EDA: variants seen among roughly 807,000 people sequenced by gnomAD.
EDA encodes the protein ectodysplasin A, also known as ectodysplasin-A.
EDA carries 2 observed loss-of-function variants against 23.6 expected under a neutral mutation model. That is an observed-to-expected ratio of 0.08 (90% CI 0.03 to 0.27). EDA has a LOEUF of 0.27. Among genes scored for constraint, EDA ranks in the 10% least tolerant of loss-of-function variants. The probability of loss-of-function intolerance (pLI) is 1.00; values close to 1 mark genes in which losing one functional copy is unlikely to be tolerated. For missense variants in EDA, 229 were observed against 324.2 expected, an observed-to-expected ratio of 0.71 and a Z score of 2.26; for synonymous variants, 131 against 132.0, an observed-to-expected ratio of 0.99 and a Z score of 0.05.
intron 1 of EDA, among the ~76,000 whole-genome samples, chrX:69,764,880 C>A (rs967291547): frequency 6.3e-5 from 7 of 111,540 alleles, no homozygotes; most frequent in African/African-American, 2.3e-4. Flanking sequence ...TATTTATAAT[C>A]TTCTCAATGG....
At chrX:70,021,298 G>GATA (rs930332249) in intron 2 of EDA, among the ~76,000 whole-genome samples, 1 of 112,010 alleles carries the variant, frequency 8.9e-6, no homozygotes, top group Admixed American at 9.5e-5. Context: ...TTTGAAGTCT[G>GATA]ATATAACAGT....
At chrX:69,982,109 C>A (rs1387634002) in intron 2 of EDA, among the ~76,000 whole-genome samples, 2 of 111,203 alleles carry the variant, frequency 1.8e-5, no homozygotes, top group African/African-American at 6.5e-5. Context: ...AAATTGTATT[C>A]TTTACACTAA....
chrX:69,617,499 C>T (rs1318875480), intron 1 of EDA, among the ~76,000 whole-genome samples: 1 of 110,873 alleles, frequency 9.0e-6, no homozygotes, highest in Admixed American at 9.6e-5. Flanking sequence ...CAGGACTCGT[C>T]CCCCAAGAGC....
chrX:69,616,365 G>A lies in EDA; in HGVS notation c.57G>A (p.Glu19=), dbSNP rs758521262. 3.3e-6 allele frequency: 4 copies of A among 1,207,893 alleles called. No individual in the cohort carries two copies. In the East Asian group the frequency reaches 1.2e-4, roughly 36 times the overall value. ...TCCTGCCTGCAGCAGCGCCGCGGGAGCGAGGGAGCCAGGGCTGCGGGTGTG... is the reference window on the plus strand; with the variant it reads ...TCCTGCCTGCAGCAGCGCCGCGGGAACGAGGGAGCCAGGGCTGCGGGTGTG... The part of the protein sequence containing the change: ...RELLPAAAPR[E]RGSQGCGCGG... Residue 19 remains glutamate, a synonymous_variant, in exon 1 of 8, where the codon GAG becomes GAA. Coordinates refer to ENST00000374552, the MANE Select transcript of EDA (RefSeq NM_001399.5).
intron 2 of EDA, among the ~76,000 whole-genome samples, chrX:69,970,624 A>G (rs1240669095): frequency 1.8e-5 from 2 of 111,632 alleles, no homozygotes; most frequent in Admixed American, 9.5e-5. Flanking sequence ...ATTGGGACCA[A>G]GCTTCCCTGT....
At chrX:69,682,483 C>T (rs919680107) in intron 1 of EDA, among the ~76,000 whole-genome samples, 5 of 112,238 alleles carry the variant, frequency 4.5e-5, no homozygotes, top group Admixed American at 3.8e-4. Context: ...ACTCCGTGGA[C>T]GTAGGACACT....
At chrX:69,702,914 T>G (rs2011576069) in intron 1 of EDA, among the ~76,000 whole-genome samples, 1 of 110,801 alleles carries the variant, frequency 9.0e-6, no homozygotes, top group Non-Finnish European at 1.9e-5. Flanking sequence ...AGACAAGGTG[T>G]TTAGGGCGGA....
chrX:69,800,288 CTTAG>C (rs767006852), intron 1 of EDA, among the ~76,000 whole-genome samples: 9 of 111,217 alleles, frequency 8.1e-5, no homozygotes, highest in African/African-American at 2.3e-4. Flanking sequence ...AACATACATA[CTTAG>C]TTAGGAGAAA....
At chrX:69,969,582 A>C (rs1365153730) in intron 2 of EDA, among the ~76,000 whole-genome samples, 1 of 112,276 alleles carries the variant, frequency 8.9e-6, no homozygotes, top group Non-Finnish European at 1.9e-5. Flanking sequence ...ATTTTTATAC[A>C]TCATCTCCAA....
At chrX:70,034,755 C>T (rs958654524) in intron 7 of EDA, among the ~76,000 whole-genome samples, 1 of 111,533 alleles carries the variant, frequency 9.0e-6, no homozygotes, top group Non-Finnish European at 1.9e-5. Context: ...AGCTAGCTCT[C>T]GATCTCTCTG....
At chrX:69,822,158 G>T (rs751737037) in intron 1 of EDA, among the ~76,000 whole-genome samples, 1 of 110,525 alleles carries the variant, frequency 9.0e-6, no homozygotes, top group Non-Finnish European at 1.9e-5. Flanking sequence ...GGTGGTGCAC[G>T]CCTGTAGTCC....
chrX:69,948,765 A>G (rs1303481933), intron 1 of EDA, among the ~76,000 whole-genome samples: 2 of 112,420 alleles, frequency 1.8e-5, no homozygotes, highest in African/African-American at 6.5e-5. Flanking sequence ...AGTGCCTTCC[A>G]TATGGTAAGT....
chrX:69,849,124 CACACACACAT>C (rs1331437486), intron 1 of EDA, among the ~76,000 whole-genome samples: 10 of 96,913 alleles, frequency 1.0e-4, no homozygotes, highest in East Asian at 3.1e-4. Context: ...CACACACACA[CACACACACAT>C]ACATATTATT....
chrX:69,686,694 A>T (rs376986163), intron 1 of EDA, among the ~76,000 whole-genome samples: 1 of 111,655 alleles, frequency 9.0e-6, no homozygotes, highest in Non-Finnish European at 1.9e-5. Flanking sequence ...TATAATGTAT[A>T]ATCTTTTATG....
intron 1 of EDA, among the ~76,000 whole-genome samples, chrX:69,843,744 CG>C (rs1039318634): frequency 9.0e-6 from 1 of 111,346 alleles, no homozygotes; most frequent in African/African-American, 3.3e-5. Context: ...ATTAAATAGC[CG>C]GGTGCGGTGG....
chrX:69,735,183 C>G (rs1466484927), intron 1 of EDA, among the ~76,000 whole-genome samples: 1 of 105,829 alleles, frequency 9.4e-6, no homozygotes, highest in Non-Finnish European at 2.0e-5. Flanking sequence ...TACACACATG[C>G]ATACACATAC....
intron 1 of EDA, among the ~76,000 whole-genome samples, chrX:69,691,098 A>G (rs763621733): frequency 8.9e-6 from 1 of 111,933 alleles, no homozygotes; most frequent in East Asian, 2.8e-4. Flanking sequence ...AAAGAGAAGT[A>G]GCAAATTAAT....
chrX:69,864,860 G>T (rs747682302), intron 1 of EDA, among the ~76,000 whole-genome samples: 1 of 110,767 alleles, frequency 9.0e-6, no homozygotes, highest in South Asian at 3.9e-4. Context: ...GCATGGTAGT[G>T]CATGCCTGTA....
intron 1 of EDA, among the ~76,000 whole-genome samples, chrX:69,796,117 T>C (rs1051728329): frequency 2.7e-5 from 3 of 111,945 alleles, no homozygotes; most frequent in Non-Finnish European, 3.8e-5. Context: ...CCAACACCAG[T>C]GCACATTGCT....
Sources: gnomAD v4.1 joint callset for allele counts (sites outside exome capture counted in the v4.1 genomes callset) on GRCh38, gnomAD v4.1.1 for gene constraint, MANE v1.5 for transcripts, NCBI Gene and HGNC (gene_info 2026-07-23, HGNC 2026-07-21) for gene names.